Variants in BMP6 observed in about 807,000 individuals in gnomAD.
BMP6 encodes the protein VG-1-R.
BMP6 carries 17 observed loss-of-function variants against 54.1 expected under a neutral mutation model. The ratio of observed to expected loss-of-function variants is 0.31; its 90% CI spans 0.22 to 0.47. The LOEUF (loss-of-function observed/expected upper bound fraction) is 0.47, where lower values mean the gene tolerates loss of function less well. Ranked by LOEUF, BMP6 falls within the 20% of genes least tolerant of loss-of-function variation. BMP6 has a pLI of 1.00. For synonymous variants in BMP6, 328 were observed against 291.2 expected, an observed-to-expected ratio of 1.13 and a Z score of -1.28; for missense variants, 720 against 690.4, an observed-to-expected ratio of 1.04 and a Z score of -0.48.
At chr6:7,839,191 G>T (rs960951833) in intron 1 of BMP6, among the ~76,000 whole-genome samples, 10 of 152,102 alleles carry the variant, frequency 6.6e-5, no homozygotes, top group Admixed American at 5.9e-4. Context: ...CAGAGACAGG[G>T]TCTCACTCTG....
intron 1 of BMP6, among the ~76,000 whole-genome samples, chr6:7,783,993 G>A (rs543080455): frequency 1.3e-5 from 2 of 152,300 alleles, no homozygotes; most frequent in East Asian, 3.9e-4. Context: ...TGGGAACGAG[G>A]CTAAAGCCAT....
In BMP6 at chr6:7,787,947, A is replaced by AT. The variant is rs558738417; in HGVS notation, c.665-57182dup. On this transcript the variant is annotated intron_variant, in intron 1 of 6. Coordinates refer to ENST00000283147, the MANE Select transcript of BMP6 (RefSeq NM_001718.6). ...CTGAATTGCTGACTATGGTAGATTG[A>AT]TTTTTTTTTTTAAAGAAACGCAAGT... Among the ~76,000 whole-genome samples, 125 of 148,158 alleles carry AT rather than the reference A, an allele frequency of 8.4e-4. 1 individual carries two copies. Among genetic ancestry groups the AT allele is most frequent in the Middle Eastern group, 3.5e-3 (1 of 286 alleles).
At chr6:7,760,877 C>G (rs1757602832) in intron 1 of BMP6, among the ~76,000 whole-genome samples, 1 of 152,136 alleles carries the variant, frequency 6.6e-6, no homozygotes, top group African/African-American at 2.4e-5. Flanking sequence ...TTATGCGGAG[C>G]CTCCAAAATG....
At chr6:7,782,275 G>A (rs944625712) in intron 1 of BMP6, among the ~76,000 whole-genome samples, 1 of 142,898 alleles carries the variant, frequency 7.0e-6, no homozygotes, top group African/African-American at 2.5e-5. Context: ...GAGGGAGATT[G>A]TAACTGGGGC....
intron 1 of BMP6, among the ~76,000 whole-genome samples, chr6:7,744,731 C>T (rs1429538993): frequency 6.6e-6 from 1 of 152,194 alleles, no homozygotes; most frequent in Non-Finnish European, 1.5e-5. Flanking sequence ...GTCCAGGAGT[C>T]ACCCAGAATT....
chr6:7,730,313 T>TA (rs970658016), intron 1 of BMP6, among the ~76,000 whole-genome samples: 2 of 152,100 alleles, frequency 1.3e-5, no homozygotes, highest in Admixed American at 6.5e-5. Flanking sequence ...TTGAAAGATC[T>TA]AAAAAAATCC....
intron 1 of BMP6, among the ~76,000 whole-genome samples, chr6:7,780,464 G>T (rs1426886656): frequency 6.6e-6 from 1 of 151,806 alleles, no homozygotes; most frequent in East Asian, 1.9e-4. Context: ...CAGAAGAATT[G>T]CTTGAACCCG....
rs779059449 is a variant in BMP6 at position 7,727,523 on chromosome 6, C to T, written c.568C>T (p.Pro190Ser). The change falls in exon 1 of 7, where the codon CCC (proline) becomes TCC (serine). Residue 190 changes from proline to serine, a missense_variant. Pro to Ser is a moderately conservative substitution (Grantham distance 74). Transcript: ENST00000283147. ...GCTCAACCGCAAGAGCCTTCTGGCC[C>T]CCGGATCTGGCAGCGGCGGCGCGTC... Reference protein sequence around the residue: ...HPLNRKSLLAPGSGSGGASPL... With the variant: ...HPLNRKSLLASGSGSGGASPL... 1.9e-6 allele frequency: 3 copies of T among 1,595,964 alleles called. No individual in the cohort carries two copies. The highest frequency in any genetic ancestry group is 2.2e-5 in the East Asian group (1 of 44,634).
chr6:7,806,958 G>A (rs987390438), intron 1 of BMP6, among the ~76,000 whole-genome samples: 1 of 152,186 alleles, frequency 6.6e-6, no homozygotes, highest in Non-Finnish European at 1.5e-5. Flanking sequence ...CCATCGAAAT[G>A]AAAGTTGTCC....
intron 1 of BMP6, among the ~76,000 whole-genome samples, chr6:7,769,098 G>A (rs768229222): frequency 6.6e-6 from 1 of 152,198 alleles, no homozygotes; most frequent in Non-Finnish European, 1.5e-5. Context: ...GTGTTAATAT[G>A]CTACTGCAGG....
Position 7,845,140 on chromosome 6 carries a change from T to C in BMP6, c.665T>C (p.Val222Ala). The C allele has an allele frequency of 1.2e-6, 2 of 1,611,970 alleles. No individual in the cohort carries two copies. The highest frequency in any genetic ancestry group is 1.7e-6 in the Non-Finnish European group (2 of 1,178,486). The part of the protein sequence containing the change: ...ADMVMSFVNL[V>A]EYDKEFSPRQ... Reference sequence around the variant, plus strand: ...CACTCTCTCTTGTTTAATCTTATAGTGGAGTACGACAAGGAGTTCTCCCCT... The same window carrying C: ...CACTCTCTCTTGTTTAATCTTATAGCGGAGTACGACAAGGAGTTCTCCCCT... Residue 222 changes from valine (V) to alanine (A), a missense_variant and splice_region_variant, in exon 2 of 7, where the codon GTG (valine) becomes GCG (alanine). Transcript: ENST00000283147.
At chr6:7,771,786 C>T (rs1425115096) in intron 1 of BMP6, among the ~76,000 whole-genome samples, 2 of 152,178 alleles carry the variant, frequency 1.3e-5, no homozygotes, top group South Asian at 2.1e-4. Flanking sequence ...GATGCGGTGG[C>T]TCATGCCTGT....
At position 7,727,394 on chromosome 6, in the gene BMP6, A is replaced by G. The variant is rs776435120; in HGVS notation, c.439A>G (p.Asn147Asp). ...LDLYNALSAD[N>D]DEDGASEGER... ...TCTGTACAACGCCCTGTCCGCCGACAACGACGAGGACGGGGCGTCGGAGGG... is the reference window on the plus strand; with the variant it reads ...TCTGTACAACGCCCTGTCCGCCGACGACGACGAGGACGGGGCGTCGGAGGG... Residue 147 changes from asparagine (N) to aspartate (D), a missense_variant, in exon 1 of 7, where the codon AAC (asparagine) becomes GAC (aspartate). Asn to Asp is a conservative substitution (Grantham distance 23). This residue lies in a region of BMP6 where 650 missense variants were observed against 556.3 expected (regional missense o/e 1.17). Transcript: ENST00000283147. The G allele has an allele frequency of 4.7e-5, 76 of 1,607,772 alleles. No individual in the cohort carries two copies. The South Asian group carries it at 7.7e-4, about 16-fold the overall frequency.
At position 7,880,502 on chromosome 6, in the gene BMP6, T is replaced by A; in HGVS notation, c.*159T>A. 9.9e-7 allele frequency: 1 copy of A among 1,008,934 alleles called. No individual in the cohort carries two copies. Among genetic ancestry groups the A allele is most frequent in the Non-Finnish European group, 1.4e-6 (1 of 691,596 alleles). 62.5% of individuals were successfully genotyped at this position (1,008,934 alleles called of 1,614,324 possible). A position where few individuals can be genotyped will look rare whatever the true frequency, so the allele number is the denominator to read the frequency against. On this transcript the variant is annotated 3_prime_UTR_variant, in exon 7 of 7. Coordinates refer to ENST00000283147, the MANE Select transcript of BMP6 (RefSeq NM_001718.6). ...CCAGGAAGATTTTAAAGGACCTCAT[T>A]AATAATTTGCTCACTTGGTAAATGA...
At chr6:7,754,361 G>A (rs973449448) in intron 1 of BMP6, among the ~76,000 whole-genome samples, 2 of 152,052 alleles carry the variant, frequency 1.3e-5, no homozygotes, top group African/African-American at 4.8e-5. Flanking sequence ...TGCCCTCCTC[G>A]GCTTCCCAAA....
rs185517281 is a variant in BMP6 at position 7,734,494 on chromosome 6, A to T, written c.664+6875A>T. On this transcript the variant is annotated intron_variant, in intron 1 of 6. Transcript: ENST00000283147. ...AGGAGAAATTACAAAAGCAGGCAAG[A>T]GCACAACCCTGGAAGAGCCGAGGAA... Among the ~76,000 whole-genome samples the T allele has an allele frequency of 4.5e-3, 683 of 152,310 alleles. 7 individuals carry two copies. Among genetic ancestry groups the T allele is most frequent in the African/African-American group, 0.016 (660 of 41,560 alleles).
In BMP6 at chr6:7,879,158, C is replaced by T; in HGVS notation, c.1281+8C>T. On this transcript the variant is annotated splice_region_variant and intron_variant, in intron 5 of 6. Transcript: ENST00000283147. ...CAAGACCTGGGATGGCAGGTGAGTTCTCTGGACACGGGGGATAAAGGTCCT... is the reference window on the plus strand; with the variant it reads ...CAAGACCTGGGATGGCAGGTGAGTTTTCTGGACACGGGGGATAAAGGTCCT... The T allele has an allele frequency of 6.2e-7, 1 of 1,611,858 alleles. No individual in the cohort carries two copies. Among genetic ancestry groups the T allele is most frequent in the Non-Finnish European group, 8.5e-7 (1 of 1,177,870 alleles).
chr6:7,800,261 G>A (rs1450108981), intron 1 of BMP6, among the ~76,000 whole-genome samples: 1 of 152,144 alleles, frequency 6.6e-6, no homozygotes, highest in Admixed American at 6.5e-5. Context: ...CTACTTCACA[G>A]TGAGTAGTGG....
chr6:7,728,217 C>A (rs1355497269), intron 1 of BMP6, among the ~76,000 whole-genome samples: 1 of 152,212 alleles, frequency 6.6e-6, no homozygotes, highest in Non-Finnish European at 1.5e-5. Flanking sequence ...CGCTCGGATC[C>A]CGGCCGGGCG....
Sources: gnomAD v4.1 joint callset for allele counts (sites outside exome capture counted in the v4.1 genomes callset) on GRCh38, gnomAD v4.1.1 for gene constraint, gnomAD v4.1.1 regional missense constraint, MANE v1.5 for transcripts, NCBI Gene and HGNC (gene_info 2026-07-23, HGNC 2026-07-21) for gene names.